ANK3: variants seen among roughly 807,000 people sequenced by gnomAD.
ANK3 encodes ankyrin 3.
In ANK3, 57 loss-of-function variants were observed where a neutral mutation model predicts 370.9. The ratio of observed to expected loss-of-function variants is 0.15; its 90% confidence interval spans 0.12 to 0.19. The LOEUF (loss-of-function observed/expected upper bound fraction) is 0.19. ANK3 is among the 10% of genes least tolerant of loss of function. ANK3 has a pLI of 1.00. For synonymous variants in ANK3, 1,929 were observed against 1,946.3 expected (o/e 0.99, Z 0.23); for missense variants, 4,439 against 5,302.1 (o/e 0.84, Z 5.06).
intron 2 of ANK3, among the ~76,000 whole-genome samples, chr10:60,466,726 C>T (rs1158286874): frequency 2.0e-5 from 3 of 152,086 alleles, no homozygotes; most frequent in Admixed American, 1.3e-4. Context: ...TATCACTCAG[C>T]CATTAAAAGA....
intron 2 of ANK3, among the ~76,000 whole-genome samples, chr10:60,470,631 G>C (rs1341518281): frequency 6.6e-6 from 1 of 152,044 alleles, no homozygotes; most frequent in South Asian, 2.1e-4. Flanking sequence ...GATAGGCACA[G>C]GATAGACGCT....
chr10:60,335,129 G>GA (rs2052498885), intron 1 of ANK3, among the ~76,000 whole-genome samples: 1 of 151,994 alleles, frequency 6.6e-6, no homozygotes, highest in South Asian at 2.1e-4. Flanking sequence ...TAAGGAAATA[G>GA]AAAAAATGAT....
chr10:60,143,219 G>A (rs2094648724), intron 23 of ANK3, among the ~76,000 whole-genome samples: 1 of 115,290 alleles, frequency 8.7e-6, no homozygotes, highest in Non-Finnish European at 1.9e-5. Flanking sequence ...AGGAAAATTT[G>A]TTGATGGAAT....
chr10:60,517,476 C>T (rs972577715), intron 2 of ANK3, among the ~76,000 whole-genome samples: 4 of 151,970 alleles, frequency 2.6e-5, no homozygotes, highest in African/African-American at 9.7e-5. Context: ...ACGAGGTTAC[C>T]CAGAACATGC....
chr10:60,586,880 C>T (rs16915157), intron 2 of ANK3, among the ~76,000 whole-genome samples: 30,548 of 152,108 alleles, frequency 0.2, 3,545 homozygotes, highest in East Asian at 0.37. Context: ...CTAGGGGTTA[C>T]GGCAGCTGTA....
chr10:60,387,112 A>G (rs907125532), intron 1 of ANK3, among the ~76,000 whole-genome samples: 13 of 152,020 alleles, frequency 8.6e-5, no homozygotes, highest in Non-Finnish European at 1.6e-4. Context: ...GTGAGCCGAG[A>G]TCATGCCACT....
chr10:60,221,088 T>TC (rs1257852356), intron 8 of ANK3, among the ~76,000 whole-genome samples: 5 of 151,570 alleles, frequency 3.3e-5, no homozygotes, highest in Admixed American at 6.6e-5. Context: ...TTTTGCCTTT[T>TC]TTTTTTTTTG....
In ANK3 at chr10:60,091,420, C is replaced by T. The variant is rs141974695; in HGVS notation, c.3329-3062G>A. On this transcript the variant is annotated intron_variant, in intron 28 of 43. Coordinates refer to ENST00000280772, the MANE Select transcript of ANK3 (RefSeq NM_020987.5). ...TAGGGTAGAAAGGAAATTAAAGTCA[C>T]TCTCACATGGAAATTTTATTCTAAT... Among the ~76,000 whole-genome samples the T allele has an allele frequency of 2.7e-5, 4 of 146,982 alleles. No homozygotes were observed. In the East Asian group the frequency reaches 8.1e-4, roughly 30 times the overall value.
Position 60,352,468 on chromosome 10 carries a change from A to G in ANK3, c.114+36957T>C, listed in dbSNP as rs546105376. 2.6e-5 allele frequency among the ~76,000 whole-genome samples: 4 copies of G among 152,284 alleles called. No individual in the cohort carries two copies. The South Asian group carries it at 8.3e-4, about 32-fold the overall frequency. On this transcript the variant is annotated intron_variant, in intron 1 of 43. Coordinates refer to ENST00000280772, the MANE Select transcript of ANK3 (RefSeq NM_020987.5). ...AAAGTAAGAGCTCTCATTTAGACAGATGTATAATCTAATTTCAGTTACTGC... is the reference window on the plus strand; with the variant it reads ...AAAGTAAGAGCTCTCATTTAGACAGGTGTATAATCTAATTTCAGTTACTGC...
At chr10:60,316,977 A>C (rs569080533) in intron 1 of ANK3, among the ~76,000 whole-genome samples, 73 of 152,158 alleles carry the variant, frequency 4.8e-4, no homozygotes, top group African/African-American at 1.6e-3. Flanking sequence ...CGATCTCCTG[A>C]CCTCATGATC....
At chr10:60,615,175 A>G (rs2040902079) in intron 2 of ANK3, 1 of 1,496,742 alleles carries the variant, frequency 6.7e-7, no homozygotes, top group African/African-American at 1.4e-5. Context: ...TTTAGTGATA[A>G]TTTTCATTAC....
intron 31 of ANK3, 107 bp from the exon 32 acceptor site, chr10:60,084,937 A>C: frequency 1.2e-6 from 1 of 846,096 alleles, no homozygotes; most frequent in Non-Finnish European, 1.8e-6. Context: ...ACTAACCCAA[A>C]ACGTTATTAA....
chr10:60,124,972 T>C (rs2093684268), intron 25 of ANK3, among the ~76,000 whole-genome samples: 1 of 152,158 alleles, frequency 6.6e-6, no homozygotes, highest in Non-Finnish European at 1.5e-5. Flanking sequence ...ATTATAATTA[T>C]TGTGACGTGC....
chr10:60,234,724 C>T lies in ANK3; in HGVS notation c.861G>A (p.Leu287=), dbSNP rs2097302490. 2 of 1,613,438 alleles carry T rather than the reference C, an allele frequency of 1.2e-6. No individual in the cohort carries two copies. The highest frequency in any genetic ancestry group is 3.3e-5 in the Admixed American group (2 of 59,968). The change falls in exon 8 of 44, where the codon TTG becomes TTA. Residue 287 remains leucine (L), a synonymous_variant. Transcript: ENST00000280772. ...KRGNANMVKL[L]LDRGAKIDAK... ...CATCGATTTTAGCTCCTCGATCGAG[C>T]AATAGTTTTACCATATTTGCATTTC...
At chr10:60,459,367 C>T (rs911103493) in intron 2 of ANK3, among the ~76,000 whole-genome samples, 3 of 152,160 alleles carry the variant, frequency 2.0e-5, no homozygotes, top group Non-Finnish European at 4.4e-5. Context: ...AGGTCGGGGA[C>T]ACTGCCACTG....
At chr10:60,322,714 A>T (rs1484426915) in intron 1 of ANK3, among the ~76,000 whole-genome samples, 1 of 152,160 alleles carries the variant, frequency 6.6e-6, no homozygotes, top group Non-Finnish European at 1.5e-5. Context: ...ACAAATGAAC[A>T]CTGCTTTTCT....
chr10:60,186,261 T>G (rs1388417134), intron 17 of ANK3, among the ~76,000 whole-genome samples: 1 of 152,208 alleles, frequency 6.6e-6, no homozygotes, highest in Admixed American at 6.5e-5. Flanking sequence ...TTCATTTTTA[T>G]GGCTATGTGT....
intron 4 of ANK3, among the ~76,000 whole-genome samples, chr10:60,273,102 T>C (rs1385469189): frequency 2.0e-5 from 3 of 152,174 alleles, no homozygotes; most frequent in Non-Finnish European, 2.9e-5. Flanking sequence ...CTGAAATCAC[T>C]CTACATGCCC....
At chr10:60,041,539 G>T (rs538656325) in intron 43 of ANK3, among the ~76,000 whole-genome samples, 58 of 152,110 alleles carry the variant, frequency 3.8e-4, no homozygotes, top group Non-Finnish European at 4.4e-4. Flanking sequence ...GATGATGAAG[G>T]CCTTATCCAA....
Sources: allele counts gnomAD v4.1 joint callset (sites outside exome capture counted in the v4.1 genomes callset), GRCh38; gene constraint gnomAD v4.1.1; transcripts MANE v1.5; gene names NCBI Gene and HGNC (gene_info 2026-07-23, HGNC 2026-07-21).